The following GRM7 variants were observed in gnomAD, a reference collection of about 807,000 sequenced individuals.
GRM7 encodes the protein metabotropic glutamate receptor 7.
A neutral mutation model predicts 84.5 loss-of-function variants in GRM7; 35 were observed. The ratio of observed to expected loss-of-function variants is 0.41; its 90% CI spans 0.32 to 0.55. GRM7 has a LOEUF of 0.55. GRM7 is among the 20% of genes least tolerant of loss of function. The pLI, the probability that GRM7 is intolerant of heterozygous loss-of-function variation, is 0.19. For synonymous variants in GRM7, 487 were observed against 455.1 expected (o/e 1.07, Z -0.89); for missense variants, 1,003 against 1,194.6 (o/e 0.84, Z 2.36).
At chr3:7,262,078 T>C (rs1698450850) in intron 2 of GRM7, among the ~76,000 whole-genome samples, 2 of 151,866 alleles carry the variant, frequency 1.3e-5, no homozygotes, top group South Asian at 4.2e-4. Context: ...TTACCTGACC[T>C]TTCTCTCTTA....
At chr3:6,903,623 C>T (rs1033123218) in intron 1 of GRM7, among the ~76,000 whole-genome samples, 3 of 152,082 alleles carry the variant, frequency 2.0e-5, no homozygotes, top group Non-Finnish European at 4.4e-5. Context: ...TACATGTCCC[C>T]TCTAGGAACA....
chr3:7,740,106 AATAGAGT>A (rs1194400893), intron 9 of GRM7, among the ~76,000 whole-genome samples: 1 of 152,178 alleles, frequency 6.6e-6, no homozygotes, highest in Non-Finnish European at 1.5e-5. Flanking sequence ...TAAATTTATT[AATAGAGT>A]ATAAAGAGGG....
intron 1 of GRM7, among the ~76,000 whole-genome samples, chr3:7,143,970 C>A (rs941969537): frequency 6.6e-6 from 1 of 152,104 alleles, no homozygotes; most frequent in Non-Finnish European, 1.5e-5. Flanking sequence ...AACTTATAAT[C>A]TCCAAACTAC....
At chr3:7,247,602 T>G (rs867565891) in intron 2 of GRM7, among the ~76,000 whole-genome samples, 4 of 102,596 alleles carry the variant, frequency 3.9e-5, no homozygotes, top group Non-Finnish European at 6.3e-5. Context: ...TCTTTTTTTT[T>G]AAAAAAAAAA....
chr3:7,235,164 A>G (rs1037708194), intron 2 of GRM7, among the ~76,000 whole-genome samples: 1 of 152,140 alleles, frequency 6.6e-6, no homozygotes, highest in South Asian at 2.1e-4. Flanking sequence ...ACTACCATCA[A>G]CTAGACGGTA....
chr3:7,229,657 C>G, intron 2 of GRM7, among the ~76,000 whole-genome samples: 1 of 142,076 alleles, frequency 7.0e-6, no homozygotes, highest in Non-Finnish European at 1.5e-5. Flanking sequence ...GAGAAGAAAA[C>G]AGTGGTAGGA....
At chr3:7,705,213 C>A (rs1231562569) in intron 9 of GRM7, among the ~76,000 whole-genome samples, 1 of 152,132 alleles carries the variant, frequency 6.6e-6, no homozygotes, top group East Asian at 1.9e-4. Context: ...ACGTTCAGGA[C>A]AAATCAACCA....
intron 1 of GRM7, among the ~76,000 whole-genome samples, chr3:7,002,626 C>T (rs1336179455): frequency 6.6e-6 from 1 of 152,086 alleles, no homozygotes; most frequent in Non-Finnish European, 1.5e-5. Context: ...CGCTACAGTA[C>T]ATTCTTGGTG....
At chr3:7,262,850 A>G (rs1431972165) in intron 2 of GRM7, among the ~76,000 whole-genome samples, 4 of 152,220 alleles carry the variant, frequency 2.6e-5, no homozygotes, top group African/African-American at 9.6e-5. Context: ...GGCATGTGCC[A>G]CTGCACCCAG....
rs1402959333 is a variant in GRM7, at chr3:7,536,730, G to C, written c.1516-41692G>C. ...ATATTGGCCTCCTGCCCACAGCCTT[G>C]AGTCAGTGATCTTGGAAGTGGATCC... On this transcript the variant is annotated intron_variant, in intron 7 of 9. Coordinates refer to ENST00000357716, the MANE Select transcript of GRM7 (RefSeq NM_000844.4). 2.0e-5 allele frequency among the ~76,000 whole-genome samples: 3 copies of C among 152,134 alleles called. No individual in the cohort carries two copies. In the East Asian group the frequency reaches 5.8e-4, roughly 29 times the overall value.
chr3:7,540,012 C>T (rs149730063), intron 7 of GRM7, among the ~76,000 whole-genome samples: 1 of 151,978 alleles, frequency 6.6e-6, no homozygotes, highest in Non-Finnish European at 1.5e-5. Flanking sequence ...AATAACTTTG[C>T]AAAATAGATT....
At chr3:7,508,467 A>C (rs1328096403) in intron 7 of GRM7, among the ~76,000 whole-genome samples, 2 of 152,198 alleles carry the variant, frequency 1.3e-5, no homozygotes, top group East Asian at 3.9e-4. Flanking sequence ...AATTATATAC[A>C]CATGCACACA....
chr3:7,452,769 A>C lies in GRM7; in HGVS notation c.1337A>C (p.Lys446Thr). ...CCAGAGATGGAGCAAGCTGGAGGCA[A>C]GAAGTTGCTGAAGTATATACGCAAT... ...VCPEMEQAGG[K>T]KLLKYIRNVN... is the part of the protein sequence containing the mutation. The change falls in exon 6 of 10, where the codon AAG becomes ACG. Residue 446 changes from lysine (K) to threonine (T), a missense_variant. This residue lies in a region of GRM7 where 910 missense variants were observed against 1,126.0 expected (regional missense o/e 0.81). Coordinates refer to ENST00000357716, the MANE Select transcript of GRM7 (RefSeq NM_000844.4). 6.2e-7 allele frequency: 1 copy of C among 1,613,384 alleles called. No homozygotes were observed. Among genetic ancestry groups the C allele is most frequent in the Non-Finnish European group, 8.5e-7 (1 of 1,179,512 alleles).
At chr3:6,886,074 T>C (rs1695680966) in intron 1 of GRM7, among the ~76,000 whole-genome samples, 1 of 149,316 alleles carries the variant, frequency 6.7e-6, no homozygotes, top group Non-Finnish European at 1.5e-5. Context: ...TTAGCACATC[T>C]ATTGCCACAC....
intron 2 of GRM7, among the ~76,000 whole-genome samples, chr3:7,246,711 T>C (rs1697774803): frequency 1.3e-5 from 2 of 152,158 alleles, no homozygotes; most frequent in South Asian, 4.1e-4. Flanking sequence ...CTAGTAGGCA[T>C]TGCTATGCCA....
intron 1 of GRM7, among the ~76,000 whole-genome samples, chr3:6,893,294 C>T (rs1291478497): frequency 6.6e-6 from 1 of 152,082 alleles, no homozygotes; most frequent in African/African-American, 2.4e-5. Context: ...TATTGTAGAG[C>T]AGCTGAGTGT....
chr3:6,945,693 T>A (rs1168511159), intron 1 of GRM7, among the ~76,000 whole-genome samples: 3 of 152,142 alleles, frequency 2.0e-5, no homozygotes, highest in Non-Finnish European at 4.4e-5. Flanking sequence ...TGTAAAAGTG[T>A]TCCTATTTCT....
chr3:7,430,052 T>C (rs1019001689), intron 5 of GRM7, among the ~76,000 whole-genome samples: 1 of 152,148 alleles, frequency 6.6e-6, no homozygotes, highest in Non-Finnish European at 1.5e-5. Context: ...ACTCAGAGGC[T>C]GAGACAGGAT....
At chr3:7,714,049 G>A (rs1701690384) in intron 9 of GRM7, among the ~76,000 whole-genome samples, 1 of 151,960 alleles carries the variant, frequency 6.6e-6, no homozygotes, top group Admixed American at 6.6e-5. Context: ...ATGCATTTCT[G>A]TTTTTGTTTT....
Sources: allele counts gnomAD v4.1 joint callset (sites outside exome capture counted in the v4.1 genomes callset), GRCh38; gene constraint gnomAD v4.1.1; regional missense constraint gnomAD v4.1.1; transcripts MANE v1.5; gene names NCBI Gene and HGNC (gene_info 2026-07-23, HGNC 2026-07-21).